Variants in APLP2 observed in about 807,000 individuals in gnomAD.
The protein encoded by APLP2 is CDEI box-binding protein.
Under a neutral mutation model 89.9 loss-of-function variants are expected in APLP2, and 53 were observed. That is an observed-to-expected ratio of 0.59 (90% CI 0.47 to 0.74). The LOEUF (loss-of-function observed/expected upper bound fraction) is 0.74, where lower values mean the gene tolerates loss of function less well. APLP2 is among the 30% of genes least tolerant of loss of function. The pLI, the probability that APLP2 is intolerant of heterozygous loss-of-function variation, is 0.00. For missense variants in APLP2, 973 were observed against 975.9 expected (o/e 1.00, Z 0.04); for synonymous variants, 372 against 348.6 (o/e 1.07, Z -0.75).
At position 130,122,522 on chromosome 11, in the gene APLP2, A is replaced by G. The variant is rs2298587; in HGVS notation, c.922+9A>G. 7 of 1,613,954 alleles carry G rather than the reference A, an allele frequency of 4.3e-6. No individual in the cohort carries two copies. The highest frequency in any genetic ancestry group is 3.3e-5 in the South Asian group (3 of 91,068). ...TACTCATGATGTCAAAGGTAACCCCATGTAGAGCCATGGCTTTGAAATCCA... is the reference window on the plus strand; with the variant it reads ...TACTCATGATGTCAAAGGTAACCCCGTGTAGAGCCATGGCTTTGAAATCCA... On this transcript the variant is annotated intron_variant, in intron 6 of 16. Transcript: ENST00000338167.
At chr11:130,120,619 G>T in intron 3 of APLP2, 87 bp from the exon 4 acceptor site, 1 of 921,834 alleles carries the variant, frequency 1.1e-6, no homozygotes, top group African/African-American at 1.6e-5. Context: ...TCCTGGCTGT[G>T]TAGACTATCA....
chr11:130,141,029 C>G lies in APLP2; in HGVS notation c.1924-469C>G, dbSNP rs1382978325. 1.3e-5 allele frequency: 2 copies of G among 155,756 alleles called. No individual in the cohort carries two copies. Among genetic ancestry groups the G allele is most frequent in the African/African-American group, 4.8e-5 (2 of 41,326 alleles). 9.6% of individuals were successfully genotyped at this position (155,756 alleles called of 1,614,324 possible). ...TCACGCCATTCTCCTGCCTCAGCCT[C>G]CCAAGTAGCTGGGACTACAGGCGTC... On this transcript the variant is annotated intron_variant, in intron 14 of 16. Transcript: ENST00000338167. The surrounding 1 kb of genome is among the most constrained non-coding windows in gnomAD (Gnocchi z 4.2).
At position 130,123,484 on chromosome 11, in the gene APLP2, C is replaced by T. The variant is rs767204259; in HGVS notation, c.923-128C>T. ...GGCCTGAGCTGGAGCTTTCGGCCAC[C>T]GGGCCTCCAGGCTCCGTCCAGTCTC... is the stretch of plus-strand genomic sequence containing the variant. On this transcript the variant is annotated intron_variant, in intron 6 of 16. Coordinates refer to ENST00000338167, the MANE Select transcript of APLP2 (RefSeq NM_001142276.2). This position sits in a 1 kb window ranked among gnomAD's most constrained non-coding sequence, Gnocchi z 4.0. The T allele has an allele frequency of 3.2e-5, 32 of 998,816 alleles. No individual in the cohort carries two copies. The highest frequency in any genetic ancestry group is 7.8e-5 in the East Asian group (3 of 38,558). The allele number at this position is 998,816 out of a possible 1,614,324, so 61.9% of individuals were successfully genotyped here. A position where few individuals can be genotyped will look rare whatever the true frequency, so the allele number is the denominator to read the frequency against.
chr11:130,120,288 C>T (rs866629684), intron 3 of APLP2, among the ~76,000 whole-genome samples: 3 of 152,094 alleles, frequency 2.0e-5, no homozygotes, highest in Admixed American at 6.5e-5. Context: ...TCTAAAGATT[C>T]ATCTGTACTT....
chr11:130,071,580 A>C (rs1301380464), intron 1 of APLP2, among the ~76,000 whole-genome samples: 1 of 152,192 alleles, frequency 6.6e-6, no homozygotes, highest in African/African-American at 2.4e-5. Flanking sequence ...CATCGTTCAC[A>C]CTCGCACTCC....
intron 1 of APLP2, chr11:130,100,383 AAC>A (rs1291629250): frequency 6.6e-6 from 1 of 152,234 alleles, no homozygotes; most frequent in Non-Finnish European, 1.5e-5. Context: ...TCAGAAAAAA[AAC>A]ACAGGGACTG....
Position 130,069,930 on chromosome 11 carries a change from C to T in APLP2, c.-48C>T, listed in dbSNP as rs1056862536. 1.4e-5 allele frequency: 19 copies of T among 1,383,080 alleles called. No individual in the cohort carries two copies. The highest frequency in any genetic ancestry group is 7.5e-5 in the African/African-American group (5 of 66,858). The allele number at this position is 1,383,080 out of a possible 1,614,324, so 85.7% of individuals were successfully genotyped here. ...GGTCGCGGTGTGCTAAGCGAGGAGT[C>T]CGAGTGTGTGAGCTTGAGAGCCGCG... is the stretch of plus-strand genomic sequence containing the variant. On this transcript the variant is annotated 5_prime_UTR_variant, in exon 1 of 17. Coordinates refer to ENST00000338167, the MANE Select transcript of APLP2 (RefSeq NM_001142276.2).
Position 130,070,063 on chromosome 11 carries a change from C to A in APLP2, c.86C>A (p.Ala29Glu). The change falls in exon 1 of 17, where the codon GCG (alanine) becomes GAG (glutamate). Residue 29 changes from alanine (A) to glutamate (E), a missense_variant. By Grantham distance (107) the Ala-to-Glu change is moderately radical (BLOSUM62 -1). Coordinates refer to ENST00000338167, the MANE Select transcript of APLP2 (RefSeq NM_001142276.2). ...GTGGGGCTCACGGCGCCTGCCTTGG[C>A]GCTGGCCGGCTACATCGAGGTGGGG... ...LLVGLTAPAL[A>E]LAGYIEALAA... 1.3e-6 allele frequency: 2 copies of A among 1,486,256 alleles called. No homozygotes were observed. Among genetic ancestry groups the A allele is most frequent in the Non-Finnish European group, 1.8e-6 (2 of 1,126,618 alleles). 92.1% of individuals were successfully genotyped at this position (1,486,256 alleles called of 1,614,324 possible). A position where few individuals can be genotyped will look rare whatever the true frequency, so the allele number is the denominator to read the frequency against.
At chr11:130,120,207 A>G (rs1348376541) in intron 3 of APLP2, among the ~76,000 whole-genome samples, 1 of 152,168 alleles carries the variant, frequency 6.6e-6, no homozygotes, top group Non-Finnish European at 1.5e-5. Flanking sequence ...TCCCACCGTA[A>G]AGACACCTTT....
rs375083712 is a variant in APLP2, at chr11:130,129,145, A to G, written c.1394A>G (p.Asn465Ser). ...THLARVEAML[N>S]DRRRMALENY... ...CTGGCCCGAGTGGAAGCTATGCTGAATGACCGCCGTCGGATGGCTCTGGAG... is the reference window on the plus strand; with the variant it reads ...CTGGCCCGAGTGGAAGCTATGCTGAGTGACCGCCGTCGGATGGCTCTGGAG... The change falls in exon 10 of 17, where the codon AAT (asparagine) becomes AGT (serine). Residue 465 changes from asparagine (N) to serine (S), a missense_variant. Transcript: ENST00000338167. The G allele has an allele frequency of 2.5e-6, 4 of 1,614,092 alleles. No individual in the cohort carries two copies. Among genetic ancestry groups the G allele is most frequent in the African/African-American group, 1.3e-5 (1 of 74,936 alleles).
intron 1 of APLP2, among the ~76,000 whole-genome samples, chr11:130,090,949 A>C (rs867559996): frequency 9.8e-3 from 466 of 47,684 alleles, no homozygotes; most frequent in African/African-American, 0.038. Context: ...GGGGGCCGAC[A>C]CCCCCACCTC....
rs115680681 is a variant in APLP2 at position 130,089,398 on chromosome 11, G to A, written c.105+19316G>A. Among the ~76,000 whole-genome samples, 1,488 of 152,286 alleles carry A rather than the reference G, an allele frequency of 9.8e-3. 29 individuals are homozygous for A. Among genetic ancestry groups the A allele is most frequent in the African/African-American group, 0.033 (1,382 of 41,556 alleles). ...CTGAAGGCTCAGCCCCTCATCCTCC[G>A]TAGCTGTCGCTCTCCTGTGCCAAGT... is the stretch of plus-strand genomic sequence containing the variant. On this transcript the variant is annotated intron_variant, in intron 1 of 16. Coordinates refer to ENST00000338167, the MANE Select transcript of APLP2 (RefSeq NM_001142276.2).
At position 130,070,103 on chromosome 11, in the gene APLP2, G is replaced by A. The variant is rs943438650; in HGVS notation, c.105+21G>A. 23 of 1,368,482 alleles carry A rather than the reference G, an allele frequency of 1.7e-5. No homozygotes were observed. The African/African-American group carries it at 2.8e-4, about 16-fold the overall frequency. The allele number at this position is 1,368,482 out of a possible 1,614,324, so 84.8% of individuals were successfully genotyped here. A position where few individuals can be genotyped will look rare whatever the true frequency, so the allele number is the denominator to read the frequency against. ...TCGAGGTGGGGACCGGGCGAACGCC[G>A]GAGAGTCGTCTCCTTCGCCCGCCGG... On this transcript the variant is annotated intron_variant, in intron 1 of 16. Transcript: ENST00000338167.
chr11:130,126,853 T>C, intron 8 of APLP2, 23 bp downstream of exon 8: 1 of 1,613,706 alleles, frequency 6.2e-7, no homozygotes, highest in Non-Finnish European at 8.5e-7. Flanking sequence ...AATTTCTTCA[T>C]CTTCATGGTA....
intron 13 of APLP2, among the ~76,000 whole-genome samples, chr11:130,136,881 G>A (rs1224446264): frequency 6.6e-6 from 1 of 152,136 alleles, no homozygotes; most frequent in African/African-American, 2.4e-5. Flanking sequence ...GGGCAGCTTG[G>A]ATATACCTGA....
chr11:130,074,149 A>G (rs1941677798), intron 1 of APLP2, among the ~76,000 whole-genome samples: 1 of 152,176 alleles, frequency 6.6e-6, no homozygotes, highest in Non-Finnish European at 1.5e-5. Context: ...TCGGTTTTCT[A>G]GTTAGTTTGT....
At chr11:130,111,042 T>G (rs975196264) in intron 3 of APLP2, among the ~76,000 whole-genome samples, 2 of 152,158 alleles carry the variant, frequency 1.3e-5, no homozygotes, top group Non-Finnish European at 2.9e-5. Context: ...CACACACGTT[T>G]GCACCATTTG....
intron 1 of APLP2, among the ~76,000 whole-genome samples, chr11:130,091,005 C>T (rs1346442989): frequency 1.3e-5 from 2 of 149,502 alleles, no homozygotes; most frequent in African/African-American, 2.4e-5. Context: ...GACCCCCCCA[C>T]CTCCCTCCCG....
chr11:130,132,413 C>A (rs777549982), intron 11 of APLP2, among the ~76,000 whole-genome samples: 1 of 151,844 alleles, frequency 6.6e-6, no homozygotes, highest in Non-Finnish European at 1.5e-5. Context: ...CATAATTAAT[C>A]CACTGGTTTC....
Sources: gnomAD v4.1 joint callset for allele counts (sites outside exome capture counted in the v4.1 genomes callset) on GRCh38, gnomAD v4.1.1 for gene constraint, Gnocchi (gnomAD v3.1) non-coding constraint, MANE v1.5 for transcripts, NCBI Gene and HGNC (gene_info 2026-07-23, HGNC 2026-07-21) for gene names.